ZNF804B: variants seen among roughly 807,000 people sequenced by gnomAD.
ZNF804B encodes zinc finger 804B.
In ZNF804B, 80 loss-of-function variants were observed where a neutral mutation model predicts 101.4. The observed-to-expected ratio is 0.79, with a 90% confidence interval of 0.66 to 0.95. The LOEUF (loss-of-function observed/expected upper bound fraction) is 0.95, where lower values mean the gene tolerates loss of function less well. Among genes scored for constraint, ZNF804B ranks in the 40% least tolerant of loss-of-function variants. ZNF804B has a pLI of 0.00. For missense variants in ZNF804B, 1,673 were observed against 1,561.9 expected (o/e 1.07, Z -1.20); for synonymous variants, 622 against 558.8 (o/e 1.11, Z -1.59).
At chr7:88,925,005 G>A (rs985759036) in intron 1 of ZNF804B, among the ~76,000 whole-genome samples, 37 of 152,202 alleles carry the variant, frequency 2.4e-4, no homozygotes, top group Middle Eastern at 3.4e-3. Context: ...TTCTGGCCTA[G>A]GACTGCATTA....
intron 2 of ZNF804B, among the ~76,000 whole-genome samples, chr7:89,275,784 G>C (rs917678773): frequency 4.0e-5 from 6 of 151,798 alleles, no homozygotes; most frequent in African/African-American, 1.5e-4. Context: ...CTACAAGAAA[G>C]TGAGCTATAG....
intron 1 of ZNF804B, among the ~76,000 whole-genome samples, chr7:88,990,625 A>G (rs1047714058): frequency 6.6e-6 from 1 of 152,122 alleles, no homozygotes; most frequent in African/African-American, 2.4e-5. Flanking sequence ...ACAGCTAAGG[A>G]AATTTATCTT....
chr7:89,003,884 A>G (rs1217212880), intron 1 of ZNF804B, among the ~76,000 whole-genome samples: 1 of 151,962 alleles, frequency 6.6e-6, no homozygotes, highest in East Asian at 1.9e-4. Context: ...AATTATGTTT[A>G]AAAGTGGTAA....
At chr7:89,298,679 G>T (rs1790430687) in intron 2 of ZNF804B, among the ~76,000 whole-genome samples, 1 of 151,744 alleles carries the variant, frequency 6.6e-6, no homozygotes, top group African/African-American at 2.4e-5. Context: ...TTACGAAAAA[G>T]CTTCTTTGTA....
chr7:89,211,171 C>T (rs949250286), intron 1 of ZNF804B, among the ~76,000 whole-genome samples: 2 of 152,114 alleles, frequency 1.3e-5, no homozygotes, highest in African/African-American at 4.8e-5. Context: ...ATGCCCTTTG[C>T]CCACTTTTTA....
At chr7:88,999,089 C>T (rs1006301360) in intron 1 of ZNF804B, among the ~76,000 whole-genome samples, 1 of 152,044 alleles carries the variant, frequency 6.6e-6, no homozygotes, top group East Asian at 1.9e-4. Context: ...GAACTGAAAA[C>T]ATTATTAGAG....
intron 1 of ZNF804B, among the ~76,000 whole-genome samples, chr7:88,863,521 T>C (rs1029221666): frequency 1.3e-5 from 2 of 152,226 alleles, no homozygotes; most frequent in African/African-American, 4.8e-5. Context: ...AAAGAAGCCC[T>C]ATTTTTTTTA....
intron 1 of ZNF804B, among the ~76,000 whole-genome samples, chr7:88,820,195 T>A (rs1254021605): frequency 6.6e-6 from 1 of 152,216 alleles, no homozygotes. Context: ...GCATCTTTTG[T>A]AGGATACAGC....
intron 1 of ZNF804B, among the ~76,000 whole-genome samples, chr7:89,056,135 T>C (rs571552320): frequency 3.3e-5 from 5 of 152,164 alleles, no homozygotes; most frequent in Non-Finnish European, 7.4e-5. Context: ...TATATCAGAG[T>C]GCCAGTCTTT....
At chr7:88,830,100 TAA>T (rs1359415521) in intron 1 of ZNF804B, among the ~76,000 whole-genome samples, 1 of 152,106 alleles carries the variant, frequency 6.6e-6, no homozygotes, top group Admixed American at 6.6e-5. Context: ...CAAATGAGAA[TAA>T]GAGGGAAAGA....
chr7:89,191,107 C>T (rs1161558363), intron 1 of ZNF804B, among the ~76,000 whole-genome samples: 1 of 151,986 alleles, frequency 6.6e-6, no homozygotes, highest in South Asian at 2.1e-4. Context: ...GTTATACATT[C>T]GATTTAGGAA....
intron 2 of ZNF804B, among the ~76,000 whole-genome samples, chr7:89,282,058 G>T (rs953927409): frequency 1.3e-5 from 2 of 151,784 alleles, no homozygotes; most frequent in Admixed American, 6.6e-5. Context: ...AAAATTAGCC[G>T]GGCGTGGTGG....
intron 1 of ZNF804B, among the ~76,000 whole-genome samples, chr7:88,981,950 T>C (rs547116490): frequency 6.6e-6 from 1 of 152,060 alleles, no homozygotes; most frequent in Non-Finnish European, 1.5e-5. Context: ...AACTAGGTAC[T>C]CTGCTCACCT....
intron 2 of ZNF804B, among the ~76,000 whole-genome samples, chr7:89,285,159 C>A (rs34057848): frequency 0.12 from 18,544 of 151,832 alleles, 1,217 homozygotes; most frequent in Middle Eastern, 0.26. Context: ...GTTGAGGCTG[C>A]AGTGAGCTGT....
At chr7:89,137,227 A>AGATGAT (rs1790650805) in intron 1 of ZNF804B, among the ~76,000 whole-genome samples, 1 of 152,120 alleles carries the variant, frequency 6.6e-6, no homozygotes, top group Non-Finnish European at 1.5e-5. Flanking sequence ...TGGAGTGCTC[A>AGATGAT]GATGATGTTA....
intron 1 of ZNF804B, among the ~76,000 whole-genome samples, chr7:89,127,489 T>G (rs2116374695): frequency 6.6e-6 from 1 of 151,910 alleles, no homozygotes; most frequent in Admixed American, 6.6e-5. Context: ...CTTGAGAAAG[T>G]TATATAGTAC....
chr7:89,076,951 T>C (rs374887416), intron 1 of ZNF804B, among the ~76,000 whole-genome samples: 3 of 152,158 alleles, frequency 2.0e-5, no homozygotes, highest in African/African-American at 7.2e-5. Context: ...CATAGGCAAG[T>C]ATATAGTGTC....
At chr7:89,136,068 C>T (rs1790630394) in intron 1 of ZNF804B, among the ~76,000 whole-genome samples, 1 of 152,054 alleles carries the variant, frequency 6.6e-6, no homozygotes, top group East Asian at 1.9e-4. Context: ...AACATCATGT[C>T]CTGAAAACTA....
In ZNF804B at chr7:88,951,573, A is replaced by C. The variant is rs550381214; in HGVS notation, c.108+191489A>C. On this transcript the variant is annotated intron_variant, in intron 1 of 3. Coordinates refer to ENST00000333190, the MANE Select transcript of ZNF804B (RefSeq NM_181646.5). ...ATCTCCAAAAAACGTTGAAAGTTTT[A>C]AGATGTACTTACTTTCTGTTGCAAA... Among the ~76,000 whole-genome samples, 6 of 152,068 alleles carry C rather than the reference A, an allele frequency of 3.9e-5. No homozygotes were observed. The East Asian group carries it at 5.9e-4, about 15-fold the overall frequency.
Sources: gnomAD v4.1 joint callset for allele counts (sites outside exome capture counted in the v4.1 genomes callset) on GRCh38, gnomAD v4.1.1 for gene constraint, MANE v1.5 for transcripts, NCBI Gene and HGNC (gene_info 2026-07-23, HGNC 2026-07-21) for gene names.